AMT: variants seen among roughly 807,000 people sequenced by gnomAD.
The protein encoded by AMT is aminomethyltransferase, mitochondrial.
Under a neutral mutation model 39.5 loss-of-function variants are expected in AMT, and 24 were observed. The observed-to-expected ratio is 0.61, with a 90% CI of 0.44 to 0.86. The LOEUF (loss-of-function observed/expected upper bound fraction) is 0.86, where lower values mean the gene tolerates loss of function less well. AMT is among the 40% of genes least tolerant of loss of function. The pLI, the probability that AMT is intolerant of heterozygous loss-of-function variation, is 0.00. For synonymous variants in AMT, 210 were observed against 212.1 expected (o/e 0.99, Z 0.09); for missense variants, 501 against 537.0 (o/e 0.93, Z 0.66).
At position 49,418,998 on chromosome 3, in the gene AMT, C is replaced by G; in HGVS notation, c.850G>C (p.Val284Leu). ...GNDIDEHTTP[V>L]EGSLSWTLGK... The stretch of plus-strand genomic sequence containing the variant: ...AGTGTCCAACTGAGGCTGCCCTCCA[C>G]AGGTGTAGTGTGTTCATCAATGTCA... The change falls in exon 7 of 9, where the codon GTG becomes CTG. Residue 284 changes from valine to leucine, a missense_variant. Transcript: ENST00000273588. 13 of 1,614,070 alleles carry G rather than the reference C, an allele frequency of 8.1e-6. No homozygotes were observed. Among genetic ancestry groups the G allele is most frequent in the Non-Finnish European group, 1.1e-5 (13 of 1,180,022 alleles).
Position 49,417,699 on chromosome 3 carries a change from G to A in AMT, c.1053C>T (p.Cys351=), listed in dbSNP as rs747901545. The A allele has an allele frequency of 1.9e-6, 3 of 1,613,488 alleles. No homozygotes were observed. The highest frequency in any genetic ancestry group is 2.5e-6 in the Non-Finnish European group (3 of 1,179,968). ...GTKIGTVTSG[C]PSPSLKKNVA... Reference sequence around the variant, plus strand: ...CATTCTTCTTCAGAGAGGGGGAGGGGCAGCCACTAGTCACAGTACCTGTCA... The same window carrying A: ...CATTCTTCTTCAGAGAGGGGGAGGGACAGCCACTAGTCACAGTACCTGTCA... Residue 351 remains cysteine, a synonymous_variant, in exon 9 of 9, where the codon TGC becomes TGT. Coordinates refer to ENST00000273588, the MANE Select transcript of AMT (RefSeq NM_000481.4).
rs1373488468 is a variant in AMT, at chr3:49,422,112, T to C, written c.250A>G (p.Met84Val). The C allele has an allele frequency of 6.2e-7, 1 of 1,613,614 alleles. No homozygotes were observed. Among genetic ancestry groups the C allele is most frequent in the South Asian group, 1.1e-5 (1 of 91,090 alleles). ...GTGCTCCCCTGGCTCACCTGCAGCATATGAGACACGTCAAAGAGCGAGCAG... is the reference window on the plus strand; with the variant it reads ...GTGCTCCCCTGGCTCACCTGCAGCACATGAGACACGTCAAAGAGCGAGCAG... The part of the protein sequence containing the change: ...QHCSLFDVSH[M>V]LQTKILGSDR... Residue 84 changes from methionine to valine, a missense_variant, in exon 2 of 9, where the codon ATG becomes GTG. Transcript: ENST00000273588.
Position 49,419,170 on chromosome 3 carries a change from G to A in AMT, c.697-19C>T, listed in dbSNP as rs756562597. ...CCGAGATCTGTATGAAACACCAGAG[G>A]GCAGATGGGAAGCTCCCTGTACCAC... On this transcript the variant is annotated intron_variant, in intron 6 of 8. Coordinates refer to ENST00000273588, the MANE Select transcript of AMT (RefSeq NM_000481.4). 6.2e-7 allele frequency: 1 copy of A among 1,613,096 alleles called. No homozygotes were observed. The highest frequency in any genetic ancestry group is 1.7e-5 in the Admixed American group (1 of 59,842).
Position 49,420,077 on chromosome 3 carries a change from G to C in AMT, c.471+134C>G, listed in dbSNP as rs2049073264. 6 of 1,218,898 alleles carry C rather than the reference G, an allele frequency of 4.9e-6. No homozygotes were observed. The East Asian group carries it at 1.5e-4, about 30-fold the overall frequency. The allele number at this position is 1,218,898 out of a possible 1,614,324, so 75.5% of individuals were successfully genotyped here. ...CGTGCTCCAGAGAGGGCCTGCTCTT[G>C]AGTCTCATAGCTGTTCATTCACTGA... On this transcript the variant is annotated intron_variant, in intron 4 of 8. Coordinates refer to ENST00000273588, the MANE Select transcript of AMT (RefSeq NM_000481.4).
rs1436791039 is a variant in AMT, at chr3:49,421,341, C to G, written c.339+151G>C. 8.6e-6 allele frequency: 6 copies of G among 701,622 alleles called. No individual in the cohort carries two copies. In the Admixed American group the frequency reaches 1.3e-4, roughly 15 times the overall value. The allele number at this position is 701,622 out of a possible 1,614,324, so 43.5% of individuals were successfully genotyped here. On this transcript the variant is annotated intron_variant, in intron 3 of 8. Coordinates refer to ENST00000273588, the MANE Select transcript of AMT (RefSeq NM_000481.4). ...CCCCTCCCTACAAATGTCTGTGTCT[C>G]TGGAAATGACTCAGGGATTCTGTCC...
Position 49,416,908 on chromosome 3 carries a change from G to T in AMT, c.*632C>A, listed in dbSNP as rs1575301656. On this transcript the variant is annotated 3_prime_UTR_variant, in exon 9 of 9. Transcript: ENST00000273588. Reference sequence around the variant, plus strand: ...GCCCACCCTGCCCTACAGCAGCCCTGGAACTCAGAATAGGTGGTGAGTCTG... The same window carrying T: ...GCCCACCCTGCCCTACAGCAGCCCTTGAACTCAGAATAGGTGGTGAGTCTG... 2 of 458,942 alleles carry T rather than the reference G, an allele frequency of 4.4e-6. No individual in the cohort carries two copies. The highest frequency in any genetic ancestry group is 8.7e-6 in the Non-Finnish European group (2 of 230,424). 28.4% of individuals were successfully genotyped at this position (458,942 alleles called of 1,614,324 possible).
At chr3:49,419,624 A>C in intron 5 of AMT, 86 bp downstream of exon 5, 1 of 1,489,972 alleles carries the variant, frequency 6.7e-7, no homozygotes, top group Non-Finnish European at 9.4e-7. Context: ...CCTTCCACAC[A>C]TTCTTCTTGG....
At chr3:49,419,938 A>C (rs928509370) in intron 4 of AMT, 150 bp from the exon 5 acceptor site, 29 of 855,570 alleles carry the variant, frequency 3.4e-5, no homozygotes, top group Middle Eastern at 3.2e-4. Flanking sequence ...CCATCTTACA[A>C]GGTCACATAG....
intron 5 of AMT, 112 bp downstream of exon 5, chr3:49,419,598 G>T: frequency 7.0e-7 from 1 of 1,436,062 alleles, no homozygotes; most frequent in Non-Finnish European, 9.8e-7. Flanking sequence ...TAAAATTATG[G>T]CACACAAATA....
chr3:49,421,722 C>G, intron 2 of AMT, 150 bp from the exon 3 acceptor site: 1 of 756,114 alleles, frequency 1.3e-6, no homozygotes, highest in African/African-American at 1.7e-5. Context: ...TGGCAAAGGA[C>G]CACCTTCTGA....
In AMT at chr3:49,417,226, G is replaced by T; in HGVS notation, c.*314C>A. ...AAGGTGAGCCTTTGCTCCACAGCCA[G>T]CACCTGGCAGAGTGGGAGAGATGGC... On this transcript the variant is annotated 3_prime_UTR_variant, in exon 9 of 9. Transcript: ENST00000273588. 1 of 1,554,894 alleles carries T rather than the reference G, an allele frequency of 6.4e-7. No homozygotes were observed.
In AMT at chr3:49,417,535, C is replaced by T. The variant is rs751910565; in HGVS notation, c.*5G>A. The stretch of plus-strand genomic sequence containing the variant: ...TGGAAGGGACAGCCCCACCCTGAGC[C>T]AGCTTCACTTGAGGGTATAGTAGTT... On this transcript the variant is annotated 3_prime_UTR_variant, in exon 9 of 9. Transcript: ENST00000273588. 1.2e-6 allele frequency: 2 copies of T among 1,614,228 alleles called. No individual in the cohort carries two copies. Among genetic ancestry groups the T allele is most frequent in the South Asian group, 1.1e-5 (1 of 91,086 alleles).
Position 49,420,198 on chromosome 3 carries a change from A to G in AMT, c.471+13T>C. On this transcript the variant is annotated intron_variant, in intron 4 of 8. Coordinates refer to ENST00000273588, the MANE Select transcript of AMT (RefSeq NM_000481.4). The stretch of plus-strand genomic sequence containing the variant: ...AAGGAAGACAAGGTGTCTAGAACAC[A>G]GAGGGGGTATACCTGCATGAGGGCC... 1.9e-6 allele frequency: 3 copies of G among 1,611,522 alleles called. No individual in the cohort carries two copies. Among genetic ancestry groups the G allele is most frequent in the Non-Finnish European group, 2.5e-6 (3 of 1,180,016 alleles).
chr3:49,421,451 A>C (rs1324811927), intron 3 of AMT, 41 bp downstream of exon 3: 1 of 1,560,486 alleles, frequency 6.4e-7, no homozygotes, highest in Non-Finnish European at 8.8e-7. Flanking sequence ...TTGCTGGCTC[A>C]TGACTAAGAA....
At position 49,422,394 on chromosome 3, in the gene AMT, G is replaced by A. The variant is rs770512923; in HGVS notation, c.57C>T (p.Pro19=). 3 of 1,613,952 alleles carry A rather than the reference G, an allele frequency of 1.9e-6. No individual in the cohort carries two copies. Among genetic ancestry groups the A allele is most frequent in the South Asian group, 2.2e-5 (2 of 91,082 alleles). The stretch of plus-strand genomic sequence containing the variant: ...AACTAAGTGGACGACACAAGGCCGG[G>A]GGGAATGCCTGCAGGCGAAAGCCCA... ...ARLGFRLQAF[P]PALCRPLSCA... is the part of the protein sequence containing the mutation. The change falls in exon 1 of 9, where the codon CCC becomes CCT. Residue 19 remains proline (P), a synonymous_variant. Transcript: ENST00000273588.
At chr3:49,418,185 TTC>T (rs1176066005) in intron 7 of AMT, 5 of 607,830 alleles carry the variant, frequency 8.2e-6, no homozygotes, top group East Asian at 5.6e-5. Flanking sequence ...CGTCTTCAGT[TTC>T]TTTTTTTTTT....
intron 2 of AMT, 63 bp downstream of exon 2, chr3:49,422,041 A>G (rs2049112214): frequency 1.2e-6 from 2 of 1,606,792 alleles, no homozygotes; most frequent in Non-Finnish European, 1.7e-6. Context: ...AAAGCCAAGG[A>G]GTGGACCACT....
Position 49,417,953 on chromosome 3 carries a change from T to C in AMT, c.898A>G (p.Met300Val), listed in dbSNP as rs144971200. 1,103 of 1,613,254 alleles carry C rather than the reference T, an allele frequency of 6.8e-4. 4 individuals carry two copies. In the African/African-American group the frequency reaches 0.013, roughly 19 times the overall value. The stretch of plus-strand genomic sequence containing the variant: ...ATGACCTTGGCTCCAGGGAAGTCCA[T>C]AGCAGCTCGGCGGCGCTTCCCTGGA... ...WTLGKRRRAA[M>V]DFPGAKVIVP... The change falls in exon 8 of 9, where the codon ATG becomes GTG. Residue 300 changes from methionine (M) to valine (V), a missense_variant. Met to Val is a conservative substitution (Grantham distance 21, BLOSUM62 1). Coordinates refer to ENST00000273588, the MANE Select transcript of AMT (RefSeq NM_000481.4).
chr3:49,419,563 TAGG>T, intron 5 of AMT, 144 bp downstream of exon 5: 2 of 1,439,594 alleles, frequency 1.4e-6, no homozygotes, highest in Non-Finnish European at 9.7e-7. Context: ...TTGTGGTAGG[TAGG>T]AGGAGGGCAA....
Sources: gnomAD v4.1 joint callset for allele counts on GRCh38, gnomAD v4.1.1 for gene constraint, MANE v1.5 for transcripts, NCBI Gene and HGNC (gene_info 2026-07-23, HGNC 2026-07-21) for gene names.